Variants in SNTB1 observed in about 807,000 individuals in gnomAD.
SNTB1 encodes syntrophin beta 1, also known as beta-1-syntrophin.
A neutral mutation model predicts 48.9 loss-of-function variants in SNTB1; 36 were observed. That is an observed-to-expected ratio of 0.74 (90% CI 0.56 to 0.97). The LOEUF (loss-of-function observed/expected upper bound fraction) is 0.97, where lower values mean the gene tolerates loss of function less well. Among genes scored for constraint, SNTB1 ranks in the 50% least tolerant of loss-of-function variants. The pLI, the probability that SNTB1 is intolerant of heterozygous loss-of-function variation, is 0.00. For missense variants in SNTB1, 786 were observed against 703.4 expected, an observed-to-expected ratio of 1.12 and a Z score of -1.33; for synonymous variants, 299 against 294.6, an observed-to-expected ratio of 1.01 and a Z score of -0.15.
intron 4 of SNTB1, among the ~76,000 whole-genome samples, chr8:120,572,860 C>T (rs11775515): frequency 6.6e-6 from 1 of 152,106 alleles, no homozygotes; most frequent in Non-Finnish European, 1.5e-5. Flanking sequence ...GGTTGCAGTG[C>T]GCCAAGATAG....
intron 4 of SNTB1, among the ~76,000 whole-genome samples, chr8:120,560,965 C>T (rs543039645): frequency 1.3e-5 from 2 of 152,124 alleles, no homozygotes; most frequent in South Asian, 4.1e-4. Flanking sequence ...ACTACAGAGT[C>T]CATACTCTTT....
rs141522326 is a variant in SNTB1, at chr8:120,629,335, A to G, written c.996+3109T>C. Among the ~76,000 whole-genome samples the G allele has an allele frequency of 5.3e-5, 8 of 152,322 alleles. No homozygotes were observed. The East Asian group carries it at 1.5e-3, about 29-fold the overall frequency. On this transcript the variant is annotated intron_variant, in intron 3 of 6. Transcript: ENST00000517992. Reference sequence around the variant, plus strand: ...TTTAAAAAGGAAGTTGTTGTTTCATATTGTTTGAGTTCATATAAATGCCGC... The same window carrying G: ...TTTAAAAAGGAAGTTGTTGTTTCATGTTGTTTGAGTTCATATAAATGCCGC...
At chr8:120,660,786 G>A (rs142911526) in intron 2 of SNTB1, among the ~76,000 whole-genome samples, 3 of 152,244 alleles carry the variant, frequency 2.0e-5, no homozygotes, top group African/African-American at 7.2e-5. Context: ...GAGACGAGAC[G>A]TGTGACTCTT....
intron 1 of SNTB1, among the ~76,000 whole-genome samples, chr8:120,752,907 C>T (rs1312547878): frequency 6.8e-6 from 1 of 146,672 alleles, no homozygotes; most frequent in Non-Finnish European, 1.5e-5. Flanking sequence ...ATAATTTGTA[C>T]ACCAAACCCC....
intron 1 of SNTB1, among the ~76,000 whole-genome samples, chr8:120,721,686 G>A (rs1818660946): frequency 6.6e-6 from 1 of 151,972 alleles, no homozygotes; most frequent in Non-Finnish European, 1.5e-5. Context: ...GAAAAAAAAT[G>A]AGTCATAGTT....
At chr8:120,618,887 G>T (rs1465495554) in intron 3 of SNTB1, among the ~76,000 whole-genome samples, 1 of 152,116 alleles carries the variant, frequency 6.6e-6, no homozygotes, top group Non-Finnish European at 1.5e-5. Flanking sequence ...CATTTTCTCA[G>T]AAAAATATCA....
intron 1 of SNTB1, among the ~76,000 whole-genome samples, chr8:120,712,921 T>C (rs76152676): frequency 1.3e-5 from 2 of 152,286 alleles, no homozygotes; most frequent in Admixed American, 6.5e-5. Flanking sequence ...CCATTACACA[T>C]GCCGCACACC....
rs923496691 is a variant in SNTB1 at position 120,538,304 on chromosome 8, A to T, written c.*573T>A. ...GAATCATTCTACACCATTGAAAGAT[A>T]ATTCATTTTTTAAAAAGTAACAGCT... is the stretch of plus-strand genomic sequence containing the variant. On this transcript the variant is annotated 3_prime_UTR_variant, in exon 7 of 7. Coordinates refer to ENST00000517992, the MANE Select transcript of SNTB1 (RefSeq NM_021021.4). 9 of 226,974 alleles carry T rather than the reference A, an allele frequency of 4.0e-5. No homozygotes were observed. Among genetic ancestry groups the T allele is most frequent in the Admixed American group, 3.3e-4 (7 of 20,950 alleles). 14.1% of individuals were successfully genotyped at this position (226,974 alleles called of 1,614,324 possible).
At chr8:120,676,132 G>A (rs1817829122) in intron 2 of SNTB1, among the ~76,000 whole-genome samples, 1 of 152,214 alleles carries the variant, frequency 6.6e-6, no homozygotes, top group African/African-American at 2.4e-5. Flanking sequence ...ACTATGGGTA[G>A]TTTAAGTTTG....
At chr8:120,617,646 A>G (rs1816736208) in intron 3 of SNTB1, among the ~76,000 whole-genome samples, 1 of 152,066 alleles carries the variant, frequency 6.6e-6, no homozygotes, top group Non-Finnish European at 1.5e-5. Context: ...TGCATTTTGG[A>G]TGAGGTGTTT....
intron 1 of SNTB1, among the ~76,000 whole-genome samples, chr8:120,781,993 T>C (rs1200049368): frequency 1.3e-5 from 2 of 152,220 alleles, no homozygotes; most frequent in Non-Finnish European, 2.9e-5. Context: ...GGAATTTTAC[T>C]GTCTCATTAT....
chr8:120,625,919 G>A (rs1425758727), intron 3 of SNTB1, among the ~76,000 whole-genome samples: 1 of 152,124 alleles, frequency 6.6e-6, no homozygotes, highest in East Asian at 1.9e-4. Flanking sequence ...TTCTGACTTA[G>A]GTAATTTTTT....
chr8:120,745,210 A>C (rs12541677), intron 1 of SNTB1, among the ~76,000 whole-genome samples: 19,968 of 151,858 alleles, frequency 0.13, 1,719 homozygotes, highest in African/African-American at 0.24. Flanking sequence ...GTCTTCCCTG[A>C]CTGCAGCTTT....
intron 6 of SNTB1, among the ~76,000 whole-genome samples, chr8:120,540,765 G>A (rs1441143148): frequency 2.0e-5 from 3 of 152,202 alleles, no homozygotes; most frequent in African/African-American, 7.2e-5. Context: ...AGCAAACCAA[G>A]TGTCAGCCAC....
At chr8:120,797,891 G>GTACA (rs1820148556) in intron 1 of SNTB1, among the ~76,000 whole-genome samples, 1 of 151,946 alleles carries the variant, frequency 6.6e-6, no homozygotes, top group Non-Finnish European at 1.5e-5. Context: ...AAGCTGGTTT[G>GTACA]TACACCTTTA....
chr8:120,765,295 T>C (rs993102680), intron 1 of SNTB1, among the ~76,000 whole-genome samples: 7 of 152,082 alleles, frequency 4.6e-5, no homozygotes, highest in Admixed American at 1.3e-4. Flanking sequence ...TAGGGAGTAA[T>C]GGATGGTATA....
chr8:120,804,471 T>G (rs1054884876), intron 1 of SNTB1, among the ~76,000 whole-genome samples: 2 of 152,120 alleles, frequency 1.3e-5, no homozygotes, highest in Non-Finnish European at 2.9e-5. Flanking sequence ...TAACTTCCTT[T>G]TGTCCACCCA....
chr8:120,772,396 C>T (rs985869994), intron 1 of SNTB1, among the ~76,000 whole-genome samples: 2 of 151,834 alleles, frequency 1.3e-5, no homozygotes, highest in African/African-American at 4.8e-5. Flanking sequence ...TAGGTGCGCA[C>T]CACCACACCC....
At chr8:120,723,013 T>C (rs1410862418) in intron 1 of SNTB1, among the ~76,000 whole-genome samples, 1 of 152,196 alleles carries the variant, frequency 6.6e-6, no homozygotes, top group East Asian at 1.9e-4. Context: ...ATTTATTTAA[T>C]AGGGAATACT....
Sources: allele counts gnomAD v4.1 joint callset (sites outside exome capture counted in the v4.1 genomes callset), GRCh38; gene constraint gnomAD v4.1.1; transcripts MANE v1.5; gene names NCBI Gene and HGNC (gene_info 2026-07-23, HGNC 2026-07-21).